EPHA3: variants seen among roughly 807,000 people sequenced by gnomAD.
EPHA3 encodes EPH receptor A3, also known as ephrin type-A receptor 3.
In EPHA3, 42 loss-of-function variants were observed where a neutral mutation model predicts 107.1. That is an observed-to-expected ratio of 0.39 (90% CI 0.31 to 0.51). EPHA3 has a LOEUF of 0.51. Among genes scored for constraint, EPHA3 ranks in the 20% least tolerant of loss-of-function variants. The probability of loss-of-function intolerance (pLI) is 0.78; values close to 1 mark genes in which losing one functional copy is unlikely to be tolerated. For missense variants in EPHA3, 1,183 were observed against 1,211.2 expected (o/e 0.98, Z 0.35); for synonymous variants, 461 against 424.8 (o/e 1.09, Z -1.05).
At chr3:89,354,954 A>T (rs1171738138) in intron 5 of EPHA3, among the ~76,000 whole-genome samples, 1 of 151,088 alleles carries the variant, frequency 6.6e-6, no homozygotes, top group Non-Finnish European at 1.5e-5. Context: ...CCTGGTACAC[A>T]GGTGGTGTGA....
intron 1 of EPHA3, among the ~76,000 whole-genome samples, chr3:89,124,301 G>A (rs1005074974): frequency 5.9e-5 from 9 of 152,010 alleles, no homozygotes; most frequent in Non-Finnish European, 1.3e-4. Flanking sequence ...CAGAGAAATC[G>A]CTCACAGATT....
chr3:89,459,577 G>A (rs550356889), intron 15 of EPHA3, among the ~76,000 whole-genome samples: 8 of 147,748 alleles, frequency 5.4e-5, no homozygotes, highest in South Asian at 2.1e-4. Flanking sequence ...CACTCTTGTC[G>A]CCCGGGCTGG....
At chr3:89,407,444 G>A in intron 8 of EPHA3, 73 bp downstream of exon 8, 2 of 1,179,782 alleles carry the variant, frequency 1.7e-6, no homozygotes, top group Non-Finnish European at 2.5e-6. Flanking sequence ...CTGTTAAAAT[G>A]TGAAGAGTGT....
intron 2 of EPHA3, among the ~76,000 whole-genome samples, chr3:89,200,078 T>A (rs928707735): frequency 6.6e-6 from 1 of 152,188 alleles, no homozygotes; most frequent in Non-Finnish European, 1.5e-5. Flanking sequence ...CTGGTAGATA[T>A]TATGTTCTAT....
intron 5 of EPHA3, among the ~76,000 whole-genome samples, chr3:89,395,181 T>A (rs192752829): frequency 3.0e-4 from 45 of 152,284 alleles, no homozygotes; most frequent in African/African-American, 1.1e-3. Context: ...GTAACACATA[T>A]AGCAGTCATT....
In EPHA3 at chr3:89,107,820, G is replaced by T. The variant is rs200437524; in HGVS notation, c.72G>T (p.Pro24=). ...TCGACAGCTTCGGGGAACTGATTCCGCAGCCTTCCAATGAAGGTAAGCCAG... is the reference window on the plus strand; with the variant it reads ...TCGACAGCTTCGGGGAACTGATTCCTCAGCCTTCCAATGAAGGTAAGCCAG... ...SVLDSFGELI[P]QPSNEVNLLD... The change falls in exon 1 of 17, where the codon CCG becomes CCT. Residue 24 remains proline, a synonymous_variant. Coordinates refer to ENST00000336596, the MANE Select transcript of EPHA3 (RefSeq NM_005233.6). 5.8e-5 allele frequency: 93 copies of T among 1,613,938 alleles called. No homozygotes were observed. In the Admixed American group the frequency reaches 1.5e-3, roughly 27 times the overall value.
chr3:89,458,706 C>T (rs1438777642), intron 15 of EPHA3, among the ~76,000 whole-genome samples: 2 of 152,074 alleles, frequency 1.3e-5, no homozygotes, highest in African/African-American at 2.4e-5. Flanking sequence ...TTTTAATGAT[C>T]GCCATTCTAA....
chr3:89,145,800 C>T (rs1181411998), intron 2 of EPHA3, among the ~76,000 whole-genome samples: 1 of 151,636 alleles, frequency 6.6e-6, no homozygotes, highest in East Asian at 1.9e-4. Context: ...CGATTTCTCA[C>T]TCTCCATTTC....
intron 5 of EPHA3, among the ~76,000 whole-genome samples, chr3:89,359,830 T>TAC (rs1559663763): frequency 5.2e-5 from 5 of 95,474 alleles, no homozygotes; most frequent in Non-Finnish European, 1.1e-4. Context: ...TACATATATA[T>TAC]ATACATATAT....
chr3:89,335,428 C>T (rs1707372934), intron 3 of EPHA3, among the ~76,000 whole-genome samples: 1 of 152,148 alleles, frequency 6.6e-6, no homozygotes, highest in Admixed American at 6.6e-5. Context: ...CATTAGATTT[C>T]AACATATATA....
At chr3:89,252,839 A>G (rs1016240449) in intron 3 of EPHA3, among the ~76,000 whole-genome samples, 2 of 149,716 alleles carry the variant, frequency 1.3e-5, no homozygotes, top group Non-Finnish European at 3.0e-5. Context: ...TTTAATTTAT[A>G]TATATAATTT....
chr3:89,296,842 T>A (rs563164926), intron 3 of EPHA3, among the ~76,000 whole-genome samples: 2 of 152,342 alleles, frequency 1.3e-5, no homozygotes, highest in East Asian at 3.9e-4. Flanking sequence ...TTATCAATTA[T>A]CTTAGCTAGA....
chr3:89,381,034 G>A (rs1257234112), intron 5 of EPHA3, among the ~76,000 whole-genome samples: 1 of 151,832 alleles, frequency 6.6e-6, no homozygotes, highest in Non-Finnish European at 1.5e-5. Flanking sequence ...GTGCAATGGC[G>A]CCATCTCGGC....
At chr3:89,450,904 T>G (rs993831992) in intron 15 of EPHA3, among the ~76,000 whole-genome samples, 1 of 152,110 alleles carries the variant, frequency 6.6e-6, no homozygotes, top group African/African-American at 2.4e-5. Flanking sequence ...AGACTCTCTC[T>G]CTAAATAAAT....
At chr3:89,113,928 G>C (rs551060692) in intron 1 of EPHA3, among the ~76,000 whole-genome samples, 4 of 152,256 alleles carry the variant, frequency 2.6e-5, no homozygotes, top group Admixed American at 2.0e-4. Flanking sequence ...AGCAAATAAA[G>C]CCTCAAATTT....
intron 2 of EPHA3, among the ~76,000 whole-genome samples, chr3:89,193,059 T>A (rs1192580854): frequency 1.3e-5 from 2 of 152,078 alleles, no homozygotes; most frequent in Non-Finnish European, 2.9e-5. Flanking sequence ...GAACAAAAAT[T>A]TATCTGGATA....
intron 5 of EPHA3, among the ~76,000 whole-genome samples, chr3:89,361,523 G>A (rs73846155): frequency 0.035 from 5,306 of 151,054 alleles, 339 homozygotes; most frequent in African/African-American, 0.12. Context: ...GAACATACTT[G>A]CATTCTGAAT....
At chr3:89,400,192 CTTTTTTTT>C (rs35134848) in intron 7 of EPHA3, 5 of 212,440 alleles carry the variant, frequency 2.4e-5, no homozygotes, top group East Asian at 1.8e-4. Context: ...TTCTTTCTTT[CTTTTTTTT>C]TTTTTTTTTT....
At chr3:89,114,795 TG>T (rs2106946957) in intron 1 of EPHA3, among the ~76,000 whole-genome samples, 1 of 152,352 alleles carries the variant, frequency 6.6e-6, no homozygotes, top group African/African-American at 2.4e-5. Flanking sequence ...GCCGCGGATC[TG>T]CTGGCACTGG....
Sources: allele counts gnomAD v4.1 joint callset (sites outside exome capture counted in the v4.1 genomes callset), GRCh38; gene constraint gnomAD v4.1.1; transcripts MANE v1.5; gene names NCBI Gene and HGNC (gene_info 2026-07-23, HGNC 2026-07-21).